SIK3: variants seen among roughly 807,000 people sequenced by gnomAD.
SIK3 encodes the protein serine/threonine-protein kinase SIK3.
In SIK3, 28 loss-of-function variants were observed where a neutral mutation model predicts 144.2. The observed-to-expected ratio is 0.19, with a 90% CI of 0.14 to 0.27. SIK3 has a LOEUF of 0.27. Ranked by LOEUF, SIK3 falls within the 10% of genes least tolerant of loss-of-function variation. SIK3 has a pLI of 1.00. For synonymous variants in SIK3, 686 were observed against 676.3 expected, an observed-to-expected ratio of 1.01 and a Z score of -0.22; for missense variants, 1,319 against 1,776.0, an observed-to-expected ratio of 0.74 and a Z score of 4.62.
chr11:117,053,495 C>T (rs149139432), intron 1 of SIK3, among the ~76,000 whole-genome samples: 1 of 152,062 alleles, frequency 6.6e-6, no homozygotes, highest in Admixed American at 6.6e-5. Flanking sequence ...ACCCTCACAG[C>T]AAGACTAATA....
At chr11:117,046,098 A>G (rs931197641) in intron 1 of SIK3, among the ~76,000 whole-genome samples, 3 of 152,348 alleles carry the variant, frequency 2.0e-5, no homozygotes, top group Middle Eastern at 3.4e-3. Flanking sequence ...GTTCCTATCC[A>G]TCTGTCTTTC....
intron 1 of SIK3, among the ~76,000 whole-genome samples, chr11:117,076,251 T>A (rs1225129072): frequency 2.0e-5 from 3 of 152,082 alleles, no homozygotes. Context: ...CTGTTGAGGA[T>A]CCATTCCAAT....
At chr11:116,901,046 G>A (rs1945711309) in intron 4 of SIK3, among the ~76,000 whole-genome samples, 1 of 151,922 alleles carries the variant, frequency 6.6e-6, no homozygotes, top group Non-Finnish European at 1.5e-5. Context: ...TGTATTTTTA[G>A]TAGAGACGGG....
Position 116,950,540 on chromosome 11 carries a change from A to T in SIK3, c.454+3504T>A, listed in dbSNP as rs116359439. On this transcript the variant is annotated intron_variant, in intron 3 of 24. Transcript: ENST00000445177. The stretch of plus-strand genomic sequence containing the variant: ...AGTTCCCTCTGCTTTAATCCTTACT[A>T]AAAAAGGTAGCCCGAAGTAACCTGA... Among the ~76,000 whole-genome samples the T allele has an allele frequency of 7.0e-3, 1,066 of 152,290 alleles. 12 individuals are homozygous for T. The highest frequency in any genetic ancestry group is 0.024 in the African/African-American group (991 of 41,556).
intron 1 of SIK3, among the ~76,000 whole-genome samples, chr11:117,022,036 C>A (rs1197054346): frequency 6.6e-6 from 1 of 151,172 alleles, no homozygotes; most frequent in Non-Finnish European, 1.5e-5. Context: ...TTTTGAGCAC[C>A]TTCTACCTGT....
At chr11:116,859,150 G>C in intron 20 of SIK3, 115 bp downstream of exon 20, 1 of 957,224 alleles carries the variant, frequency 1.0e-6, no homozygotes, top group Non-Finnish European at 1.5e-6. Context: ...CGTGAAACAA[G>C]AGCACAGCCT....
chr11:116,907,387 CTGTAA>C lies in SIK3; in HGVS notation c.617-10075_617-10071del, dbSNP rs1400300159. 2.6e-5 allele frequency among the ~76,000 whole-genome samples: 4 copies of C among 152,212 alleles called. No homozygotes were observed. In the East Asian group the frequency reaches 7.7e-4, roughly 29 times the overall value. On this transcript the variant is annotated intron_variant, in intron 4 of 24. Coordinates refer to ENST00000445177, the MANE Select transcript of SIK3 (RefSeq NM_001366686.3). ...ATTTGCCAGGCACAGTGGCTCACAC[CTGTAA>C]TCCCAGAACTTTGGGAGGCCAAGGC...
At chr11:116,915,166 G>GTA (rs1555093408) in intron 4 of SIK3, among the ~76,000 whole-genome samples, 1 of 149,028 alleles carries the variant, frequency 6.7e-6, no homozygotes, top group African/African-American at 2.5e-5. Context: ...GTGTGTATGT[G>GTA]TATTTTTTCT....
At chr11:116,955,042 C>T (rs966309774) in intron 2 of SIK3, among the ~76,000 whole-genome samples, 2 of 152,186 alleles carry the variant, frequency 1.3e-5, no homozygotes, top group Non-Finnish European at 2.9e-5. Context: ...ATCATTTCAA[C>T]AATTCTTTTT....
rs540842295 is a variant in SIK3 at position 117,036,261 on chromosome 11, A to C, written c.273+61882T>G. On this transcript the variant is annotated intron_variant, in intron 1 of 24. Transcript: ENST00000445177. The stretch of plus-strand genomic sequence containing the variant: ...AAAAAAATAATGTAGGTAGTTTCTC[A>C]TAGTAACGTAAAGAATATGTAACCT... Among the ~76,000 whole-genome samples the C allele has an allele frequency of 3.9e-5, 6 of 152,242 alleles. No individual in the cohort carries two copies. The South Asian group carries it at 1.2e-3, about 32-fold the overall frequency.
chr11:117,043,072 T>G (rs1952814369), intron 1 of SIK3, among the ~76,000 whole-genome samples: 1 of 152,130 alleles, frequency 6.6e-6, no homozygotes, highest in African/African-American at 2.4e-5. Flanking sequence ...CCACAAGAGT[T>G]CCCAAAACAG....
intron 3 of SIK3, among the ~76,000 whole-genome samples, chr11:116,945,862 A>T (rs1183797106): frequency 6.6e-6 from 1 of 152,038 alleles, no homozygotes; most frequent in Non-Finnish European, 1.5e-5. Flanking sequence ...CCTCTCTCTC[A>T]TTCCTCCCTG....
chr11:117,061,189 G>A (rs1223406790), intron 1 of SIK3, among the ~76,000 whole-genome samples: 1 of 152,036 alleles, frequency 6.6e-6, no homozygotes, highest in African/African-American at 2.4e-5. Flanking sequence ...CAGGGCTGTG[G>A]TAAGCTGCGA....
intron 1 of SIK3, among the ~76,000 whole-genome samples, chr11:117,022,568 G>A (rs944257274): frequency 7.2e-5 from 11 of 152,172 alleles, no homozygotes; most frequent in African/African-American, 2.7e-4. Flanking sequence ...TCAGGGCAGA[G>A]TGGACACTTT....
In SIK3 at chr11:117,007,533, G is replaced by A. The variant is rs539966847; in HGVS notation, c.274-50469C>T. ...CATGATAGAGGTGAAGGAAGGGAGA[G>A]GAGGGGTGAGCACACAGGTGTACAT... On this transcript the variant is annotated intron_variant, in intron 1 of 24. Transcript: ENST00000445177. 2.6e-5 allele frequency among the ~76,000 whole-genome samples: 4 copies of A among 152,338 alleles called. No homozygotes were observed. In the East Asian group the frequency reaches 7.7e-4, roughly 29 times the overall value.
Position 116,849,299 on chromosome 11 carries a change from A to C in SIK3, c.3656-16T>G, listed in dbSNP as rs374208656. On this transcript the variant is annotated splice_polypyrimidine_tract_variant and intron_variant, in intron 21 of 24. Transcript: ENST00000445177. This position sits in a 1 kb window ranked among gnomAD's most constrained non-coding sequence, Gnocchi z 4.2. ...ATGACAGGCTCTGAGGAGACACAGC[A>C]GAATAGAGTCAGTGGGGCGGAACTT... The C allele has an allele frequency of 1.9e-6, 3 of 1,613,914 alleles. No homozygotes were observed. Among genetic ancestry groups the C allele is most frequent in the Non-Finnish European group, 2.5e-6 (3 of 1,179,870 alleles).
chr11:116,850,005 C>T (rs1368795624), intron 21 of SIK3, among the ~76,000 whole-genome samples: 3 of 152,200 alleles, frequency 2.0e-5, no homozygotes. Context: ...CCCCCATAAC[C>T]TGCTACTCCT....
intron 3 of SIK3, among the ~76,000 whole-genome samples, chr11:116,939,248 A>G (rs1948155003): frequency 6.6e-6 from 1 of 152,208 alleles, no homozygotes; most frequent in African/African-American, 2.4e-5. Context: ...CCTGGGTTCA[A>G]GCAATTCTCC....
chr11:116,951,019 T>C (rs1437402667), intron 3 of SIK3, among the ~76,000 whole-genome samples: 4 of 152,180 alleles, frequency 2.6e-5, no homozygotes, highest in African/African-American at 4.8e-5. Context: ...GAAGTTGATC[T>C]CTCTCTCACA....
Sources: gnomAD v4.1 joint callset for allele counts (sites outside exome capture counted in the v4.1 genomes callset) on GRCh38, gnomAD v4.1.1 for gene constraint, Gnocchi (gnomAD v3.1) non-coding constraint, MANE v1.5 for transcripts, NCBI Gene and HGNC (gene_info 2026-07-23, HGNC 2026-07-21) for gene names.